Variants in TMEM245 observed in about 807,000 individuals in gnomAD.
The protein encoded by TMEM245 is protein CG-2.
TMEM245 carries 69 observed loss-of-function variants against 101.2 expected under a neutral mutation model. The ratio of observed to expected loss-of-function variants is 0.68; its 90% CI spans 0.56 to 0.83. TMEM245 has a LOEUF of 0.83. Ranked by LOEUF, TMEM245 falls within the 40% of genes least tolerant of loss-of-function variation. TMEM245 has a pLI of 0.00. For synonymous variants in TMEM245, 537 were observed against 449.8 expected (o/e 1.19, Z -2.45); for missense variants, 1,075 against 1,092.8 (o/e 0.98, Z 0.23).
intron 1 of TMEM245, among the ~76,000 whole-genome samples, chr9:109,112,541 CA>C (rs533252943): frequency 2.3e-3 from 248 of 106,512 alleles, no homozygotes; most frequent in Middle Eastern, 5.4e-3. Flanking sequence ...AACTCCATCT[CA>C]AAAAAAAAAA....
intron 8 of TMEM245, among the ~76,000 whole-genome samples, chr9:109,077,099 GAATAT>G (rs1444022866): frequency 6.6e-6 from 1 of 151,142 alleles, no homozygotes; most frequent in African/African-American, 2.4e-5. Context: ...TAATATAAAA[GAATAT>G]AATTGTTAAT....
At chr9:109,035,030 G>A (rs867779545) in intron 16 of TMEM245, among the ~76,000 whole-genome samples, 21 of 151,546 alleles carry the variant, frequency 1.4e-4, no homozygotes, top group Middle Eastern at 3.2e-3. Context: ...GGTGGTGCAC[G>A]CCTGTAATCC....
At position 109,119,684 on chromosome 9, in the gene TMEM245, A is replaced by C. The variant is rs1319231915; in HGVS notation, c.230T>G (p.Leu77Arg). 6.4e-7 allele frequency: 1 copy of C among 1,556,140 alleles called. No individual in the cohort carries two copies. Among genetic ancestry groups the C allele is most frequent in the Non-Finnish European group, 8.7e-7 (1 of 1,153,180 alleles). Reference sequence around the variant, plus strand: ...GAGCAGCGGCCGCAGGAAGGCCTCCAGGATGAAGTAGACCAGCACCGCGGC... The same window carrying C: ...GAGCAGCGGCCGCAGGAAGGCCTCCCGGATGAAGTAGACCAGCACCGCGGC... ...CGAAVLVYFI[L>R]EAFLRPLLWA... Residue 77 changes from leucine (L) to arginine (R), a missense_variant, in exon 1 of 18, where the codon CTG becomes CGG. Physicochemically the swap from Leu to Arg is moderately radical, Grantham distance 102. Transcript: ENST00000374586.
chr9:109,041,858 C>T (rs1365934064), intron 14 of TMEM245, among the ~76,000 whole-genome samples: 1 of 151,916 alleles, frequency 6.6e-6, no homozygotes, highest in African/African-American at 2.4e-5. Flanking sequence ...TGGCTGGTTG[C>T]GGTAGTTCAC....
chr9:109,075,727 T>A (rs1829478716), intron 8 of TMEM245, among the ~76,000 whole-genome samples: 1 of 152,222 alleles, frequency 6.6e-6, no homozygotes, highest in African/African-American at 2.4e-5. Flanking sequence ...GTAATTTGTA[T>A]CTTCTTTTTT....
intron 1 of TMEM245, among the ~76,000 whole-genome samples, chr9:109,113,693 T>C (rs957623251): frequency 2.6e-5 from 4 of 152,246 alleles, no homozygotes; most frequent in Admixed American, 6.5e-5. Context: ...TTTTCAACCA[T>C]CTTTGTTTCA....
intron 14 of TMEM245, among the ~76,000 whole-genome samples, chr9:109,047,064 T>C (rs191380787): frequency 6.6e-6 from 1 of 152,320 alleles, no homozygotes; most frequent in Admixed American, 6.5e-5. Context: ...TAGCTTTGGT[T>C]AGAAAAATGT....
At chr9:109,060,327 C>T in intron 11 of TMEM245, 27 bp downstream of exon 11, 1 of 1,522,750 alleles carries the variant, frequency 6.6e-7, no homozygotes. Context: ...TAGTTTACAA[C>T]AGGAAACTTT....
intron 11 of TMEM245, among the ~76,000 whole-genome samples, chr9:109,059,774 C>T (rs1190685088): frequency 6.6e-6 from 1 of 151,912 alleles, no homozygotes; most frequent in Non-Finnish European, 1.5e-5. Context: ...GTTATTAATG[C>T]CTACAGTTGT....
At chr9:109,117,410 G>A (rs550691711) in intron 1 of TMEM245, among the ~76,000 whole-genome samples, 45 of 152,152 alleles carry the variant, frequency 3.0e-4, no homozygotes, top group Non-Finnish European at 5.0e-4. Context: ...GAGCCACCGC[G>A]CCCGGCCAAT....
chr9:109,112,109 T>C (rs578188512), intron 1 of TMEM245, among the ~76,000 whole-genome samples: 3 of 152,254 alleles, frequency 2.0e-5, no homozygotes, highest in Admixed American at 1.3e-4. Context: ...CCATTATGAT[T>C]ATACAATTAC....
chr9:109,025,258 G>A (rs1321037377), intron 17 of TMEM245, among the ~76,000 whole-genome samples: 1 of 152,176 alleles, frequency 6.6e-6, no homozygotes, highest in Non-Finnish European at 1.5e-5. Context: ...GAGACCCAGA[G>A]ATGGGGTTTC....
rs2132580543 is a variant in TMEM245, at chr9:109,093,456, T to C, written c.916+19A>G. ...TCATTTTCCAGAATAACCTTGAATG[T>C]CACCAGAACATCAGTCACCTGCAGG... is the stretch of plus-strand genomic sequence containing the variant. On this transcript the variant is annotated intron_variant, in intron 4 of 17. Coordinates refer to ENST00000374586, the MANE Select transcript of TMEM245 (RefSeq NM_032012.4). The C allele has an allele frequency of 6.3e-7, 1 of 1,589,724 alleles. No individual in the cohort carries two copies. The highest frequency in any genetic ancestry group is 2.2e-5 in the East Asian group (1 of 44,732).
chr9:109,033,982 T>C (rs974107087), intron 16 of TMEM245, among the ~76,000 whole-genome samples: 6 of 152,248 alleles, frequency 3.9e-5, no homozygotes, highest in Admixed American at 3.9e-4. Flanking sequence ...TCCTAAAATA[T>C]AGTTTTTAAC....
intron 17 of TMEM245, among the ~76,000 whole-genome samples, chr9:109,027,634 G>A (rs747459218): frequency 6.6e-6 from 1 of 152,074 alleles, no homozygotes; most frequent in African/African-American, 2.4e-5. Flanking sequence ...ATCATATTAT[G>A]GTAACACATA....
chr9:109,041,555 C>A (rs1828309121), intron 14 of TMEM245, among the ~76,000 whole-genome samples: 1 of 148,178 alleles, frequency 6.7e-6, no homozygotes. Flanking sequence ...CCTCCACCTC[C>A]TGGGCTCAAG....
intron 9 of TMEM245, among the ~76,000 whole-genome samples, chr9:109,072,629 A>C (rs1829369563): frequency 3.3e-5 from 5 of 152,208 alleles, no homozygotes; most frequent in Non-Finnish European, 5.9e-5. Context: ...GCTGGTCCCC[A>C]ACACAAAAGG....
Position 109,023,368 on chromosome 9 carries a change from A to G in TMEM245, c.2595-2863T>C, listed in dbSNP as rs1337055851. Among the ~76,000 whole-genome samples, 5 of 152,218 alleles carry G rather than the reference A, an allele frequency of 3.3e-5. No individual in the cohort carries two copies. In the East Asian group the frequency reaches 7.7e-4, roughly 23 times the overall value. On this transcript the variant is annotated intron_variant, in intron 17 of 17. Coordinates refer to ENST00000374586, the MANE Select transcript of TMEM245 (RefSeq NM_032012.4). The stretch of plus-strand genomic sequence containing the variant: ...TATTCCAGAGGCATAGCTCTAACTA[A>G]TAAGTAAAGCTCATAAAACTATAAC...
At chr9:109,104,962 G>C (rs967576395) in intron 3 of TMEM245, among the ~76,000 whole-genome samples, 1 of 152,148 alleles carries the variant, frequency 6.6e-6, no homozygotes, top group South Asian at 2.1e-4. Context: ...GCAATTGTTT[G>C]TCAGATGACA....
Sources: gnomAD v4.1 joint callset for allele counts (sites outside exome capture counted in the v4.1 genomes callset) on GRCh38, gnomAD v4.1.1 for gene constraint, MANE v1.5 for transcripts, NCBI Gene and HGNC (gene_info 2026-07-23, HGNC 2026-07-21) for gene names.